Variants in GK5 observed in about 807,000 individuals in gnomAD.
GK5 encodes the protein glycerol kinase 5.
GK5 carries 39 observed loss-of-function variants against 77.3 expected under a neutral mutation model. The ratio of observed to expected loss-of-function variants is 0.50; its 90% CI spans 0.39 to 0.66. GK5 has a LOEUF of 0.66. GK5 is among the 30% of genes least tolerant of loss of function. The pLI is 0.00. For synonymous variants in GK5, 211 were observed against 208.0 expected (o/e 1.01, Z -0.13); for missense variants, 487 against 633.8 (o/e 0.77, Z 2.49).
At chr3:142,191,360 T>C (rs2063847777) in intron 5 of GK5, among the ~76,000 whole-genome samples, 1 of 151,732 alleles carries the variant, frequency 6.6e-6, no homozygotes, top group Non-Finnish European at 1.5e-5. Flanking sequence ...CTAGTTAAAA[T>C]AGCTACAAAA....
chr3:142,177,857 C>CTT (rs370889965), intron 11 of GK5, among the ~76,000 whole-genome samples: 14 of 128,180 alleles, frequency 1.1e-4, no homozygotes, highest in East Asian at 4.5e-4. Flanking sequence ...CGTTTTTTTT[C>CTT]TTTTTTTTTT....
At chr3:142,173,199 T>TAAA (rs542376454) in intron 12 of GK5, 253 of 382,664 alleles carry the variant, frequency 6.6e-4, no homozygotes, top group Middle Eastern at 1.1e-3. Flanking sequence ...AGACAGGGTC[T>TAAA]AAAAAAAAAA....
intron 4 of GK5, 111 bp downstream of exon 4, chr3:142,204,584 C>G: frequency 1.3e-6 from 1 of 758,730 alleles, no homozygotes. Flanking sequence ...GGAGTGTGTG[C>G]GTATGTCTTC....
Position 142,186,576 on chromosome 3 carries a change from G to C in GK5, c.620-63C>G, listed in dbSNP as rs557685987. On this transcript the variant is annotated intron_variant, in intron 6 of 15. Transcript: ENST00000392993. ...TAGTATAAATCAACACCTATCGATA[G>C]TATATAATATAGACCTTTGTCTACC... is the stretch of plus-strand genomic sequence containing the variant. 3.5e-4 allele frequency: 237 copies of C among 672,674 alleles called. 2 individuals carry two copies. The highest frequency in any genetic ancestry group is 3.3e-3 in the South Asian group (166 of 49,598). The allele number at this position is 672,674 out of a possible 1,614,324, so 41.7% of individuals were successfully genotyped here.
At chr3:142,198,164 T>G (rs906214794) in intron 5 of GK5, among the ~76,000 whole-genome samples, 3 of 152,046 alleles carry the variant, frequency 2.0e-5, no homozygotes, top group African/African-American at 7.2e-5. Flanking sequence ...CAAATGTACA[T>G]GAATAGAATA....
intron 9 of GK5, chr3:142,184,779 T>C: frequency 1.2e-6 from 1 of 809,230 alleles, no homozygotes; most frequent in African/African-American, 1.9e-5. Context: ...GAGGTCACAG[T>C]GAGCCATCGG....
intron 5 of GK5, among the ~76,000 whole-genome samples, chr3:142,188,935 T>A (rs1234632949): frequency 6.6e-6 from 1 of 152,238 alleles, no homozygotes; most frequent in Non-Finnish European, 1.5e-5. Flanking sequence ...TAGGGTGTTA[T>A]TAACATACTG....
chr3:142,187,887 A>G, intron 5 of GK5, 108 bp from the exon 6 acceptor site: 1 of 722,290 alleles, frequency 1.4e-6, no homozygotes. Context: ...AAAAATTAAT[A>G]TGTACACAAA....
chr3:142,184,419 T>C (rs890293628), intron 9 of GK5, among the ~76,000 whole-genome samples: 31 of 151,772 alleles, frequency 2.0e-4, no homozygotes, highest in Non-Finnish European at 1.5e-5. Context: ...ATATAAAACA[T>C]AGGTAAATGT....
At chr3:142,168,244 TTC>T (rs1242004186) in intron 15 of GK5, among the ~76,000 whole-genome samples, 1 of 152,178 alleles carries the variant, frequency 6.6e-6, no homozygotes, top group Non-Finnish European at 1.5e-5. Flanking sequence ...CTTGTTACAG[TTC>T]TAAGTTTGCT....
At chr3:142,193,381 T>C (rs1373163044) in intron 5 of GK5, among the ~76,000 whole-genome samples, 1 of 151,948 alleles carries the variant, frequency 6.6e-6, no homozygotes, top group East Asian at 1.9e-4. Context: ...ACAATGAAAT[T>C]GAGAAGTGTG....
At chr3:142,170,044 C>G (rs2063517432) in intron 15 of GK5, 1 of 474,476 alleles carries the variant, frequency 2.1e-6, no homozygotes, top group Non-Finnish European at 3.9e-6. Flanking sequence ...GAAAGTTTAC[C>G]CAGAGACTGT....
chr3:142,189,703 A>T (rs1025390895), intron 5 of GK5, among the ~76,000 whole-genome samples: 5 of 152,184 alleles, frequency 3.3e-5, no homozygotes, highest in Non-Finnish European at 7.4e-5. Flanking sequence ...ACGTTGGCTA[A>T]GGACTGCAAA....
chr3:142,224,992 C>T (rs535946624), intron 1 of GK5, among the ~76,000 whole-genome samples: 201 of 152,360 alleles, frequency 1.3e-3, no homozygotes, highest in Non-Finnish European at 2.5e-3. Flanking sequence ...CGGCGAGTCA[C>T]CTCAGTCCCA....
intron 5 of GK5, among the ~76,000 whole-genome samples, chr3:142,188,673 T>C (rs2063808064): frequency 6.6e-6 from 1 of 152,272 alleles, no homozygotes; most frequent in Non-Finnish European, 1.5e-5. Flanking sequence ...AGGAGAATAT[T>C]TTGTGACACA....
intron 9 of GK5, chr3:142,185,429 A>G: frequency 2.2e-6 from 2 of 893,072 alleles, no homozygotes; most frequent in Non-Finnish European, 2.7e-6. Context: ...AAAAAAAAAA[A>G]TCAAAAATGG....
chr3:142,194,562 T>C (rs2063905177), intron 5 of GK5, among the ~76,000 whole-genome samples: 1 of 150,794 alleles, frequency 6.6e-6, no homozygotes, highest in South Asian at 2.1e-4. Flanking sequence ...CATGGTGGTG[T>C]GCGCCTGTAG....
In GK5 at chr3:142,176,047, T is replaced by C. The variant is rs77028826; in HGVS notation, c.1143+1435A>G. 4.8e-4 allele frequency among the ~76,000 whole-genome samples: 73 copies of C among 152,090 alleles called. No homozygotes were observed. In the East Asian group the frequency reaches 0.014, roughly 29 times the overall value. The stretch of plus-strand genomic sequence containing the variant: ...CCTTTTTCCTGAAATCTCAATTAGA[T>C]AAAAAATTTTCACTTTCTGGACTAT... On this transcript the variant is annotated intron_variant, in intron 12 of 15. Coordinates refer to ENST00000392993, the MANE Select transcript of GK5 (RefSeq NM_001039547.3).
chr3:142,187,604 C>G, intron 6 of GK5, 100 bp downstream of exon 6: 2 of 658,312 alleles, frequency 3.0e-6, no homozygotes, highest in Non-Finnish European at 4.8e-6. Context: ...GACCCTAGCT[C>G]AAAAAAAAAA....
Sources: gnomAD v4.1 joint callset for allele counts (sites outside exome capture counted in the v4.1 genomes callset) on GRCh38, gnomAD v4.1.1 for gene constraint, MANE v1.5 for transcripts, NCBI Gene and HGNC (gene_info 2026-07-23, HGNC 2026-07-21) for gene names.